PCDH11X: variants seen among roughly 807,000 people sequenced by gnomAD.
PCDH11X encodes protocadherin-11 X-linked.
In PCDH11X, 18 loss-of-function variants were observed where a neutral mutation model predicts 53.3. That is an observed-to-expected ratio of 0.34 (90% CI 0.23 to 0.50). PCDH11X has a LOEUF of 0.50. PCDH11X is among the 20% of genes least tolerant of loss of function. PCDH11X has a pLI of 0.98. For missense variants in PCDH11X, 570 were observed against 1,032.4 expected, an observed-to-expected ratio of 0.55 and a Z score of 6.14; for synonymous variants, 279 against 393.3, an observed-to-expected ratio of 0.71 and a Z score of 3.44.
At chrX:92,520,328 C>T (rs1420645356) in intron 10 of PCDH11X, among the ~76,000 whole-genome samples, 4 of 105,073 alleles carry the variant, frequency 3.8e-5, no homozygotes, top group African/African-American at 1.4e-4. Context: ...AATGTATATA[C>T]CTTAGTTTAA....
intron 8 of PCDH11X, among the ~76,000 whole-genome samples, chrX:92,286,988 A>G (rs1455487096): frequency 9.4e-6 from 1 of 106,199 alleles, no homozygotes; most frequent in African/African-American, 3.4e-5. Flanking sequence ...AGTGCCTGGA[A>G]CATATTGGTG....
intron 6 of PCDH11X, among the ~76,000 whole-genome samples, chrX:92,124,263 C>T (rs1298056940): frequency 9.0e-6 from 1 of 110,602 alleles, no homozygotes; most frequent in Non-Finnish European, 1.9e-5. Context: ...AGGCCTAGTA[C>T]AAGCCAGGTG....
At chrX:92,318,898 G>T (rs80248012) in intron 8 of PCDH11X, among the ~76,000 whole-genome samples, 6 of 110,936 alleles carry the variant, frequency 5.4e-5, no homozygotes, top group Non-Finnish European at 9.4e-5. Flanking sequence ...GTCATTTAGC[G>T]ATTTCACCAG....
chrX:92,213,023 C>T (rs933877854), intron 7 of PCDH11X, among the ~76,000 whole-genome samples: 8 of 111,969 alleles, frequency 7.1e-5, no homozygotes, highest in African/African-American at 2.6e-4. Context: ...AATCTGGGAA[C>T]TTTTGAGAGA....
Position 91,974,661 on chromosome X carries a change from A to G in PCDH11X, c.3033+95388A>G, listed in dbSNP as rs765159433. On this transcript the variant is annotated intron_variant, in intron 6 of 10. Coordinates refer to ENST00000682573, the MANE Select transcript of PCDH11X (RefSeq NM_032968.5). Reference sequence around the variant, plus strand: ...AGGGAGATATTTGGAAAGGCCTTATAAGAAGCTACAATGGCCTGATTCCAA... The same window carrying G: ...AGGGAGATATTTGGAAAGGCCTTATGAGAAGCTACAATGGCCTGATTCCAA... Among the ~76,000 whole-genome samples, 699 of 109,886 alleles carry G rather than the reference A, an allele frequency of 6.4e-3. 6 individuals are homozygous for G. Among genetic ancestry groups the G allele is most frequent in the African/African-American group, 0.022 (670 of 30,271 alleles).
intron 10 of PCDH11X, among the ~76,000 whole-genome samples, chrX:92,599,972 G>A (rs1926052901): frequency 9.1e-6 from 1 of 110,296 alleles, no homozygotes; most frequent in Non-Finnish European, 1.9e-5. Context: ...TTGAACATGA[G>A]AGAGATGATT....
chrX:91,933,702 A>G (rs968176643), intron 6 of PCDH11X, among the ~76,000 whole-genome samples: 2 of 111,388 alleles, frequency 1.8e-5, no homozygotes, highest in African/African-American at 6.5e-5. Flanking sequence ...ATATTTATGA[A>G]CTGCTTAGGT....
At chrX:91,814,326 C>A (rs1936387151) in intron 4 of PCDH11X, among the ~76,000 whole-genome samples, 1 of 110,671 alleles carries the variant, frequency 9.0e-6, no homozygotes, top group South Asian at 3.8e-4. Flanking sequence ...TGGGATGTGT[C>A]TTTCTCAAAA....
intron 8 of PCDH11X, among the ~76,000 whole-genome samples, chrX:92,289,328 T>C (rs2068446192): frequency 9.1e-6 from 1 of 110,349 alleles, no homozygotes; most frequent in African/African-American, 3.3e-5. Flanking sequence ...CACACCGAGG[T>C]TGAATATTTA....
chrX:92,340,288 G>C (rs2069722768), intron 8 of PCDH11X, among the ~76,000 whole-genome samples: 1 of 110,963 alleles, frequency 9.0e-6, no homozygotes, highest in African/African-American at 3.3e-5. Flanking sequence ...CAGGTGCACA[G>C]TATGAGCTCT....
At chrX:92,163,768 T>C (rs2065683768) in intron 6 of PCDH11X, among the ~76,000 whole-genome samples, 1 of 111,053 alleles carries the variant, frequency 9.0e-6, no homozygotes, top group Non-Finnish European at 1.9e-5. Context: ...TATATTTCTG[T>C]AGGAGTTCCG....
At chrX:91,794,296 A>G (rs149455638) in intron 1 of PCDH11X, among the ~76,000 whole-genome samples, 242 of 111,937 alleles carry the variant, frequency 2.2e-3, no homozygotes, top group Middle Eastern at 0.019. Flanking sequence ...GAATTGAGCT[A>G]GTCCAGATTA....
intron 6 of PCDH11X, among the ~76,000 whole-genome samples, chrX:92,138,624 C>T (rs1267269382): frequency 2.7e-5 from 3 of 110,465 alleles, no homozygotes; most frequent in Non-Finnish European, 5.7e-5. Context: ...TATCAAAGCA[C>T]ATTGTAATTA....
chrX:92,503,048 TA>T (rs764378836), intron 10 of PCDH11X, among the ~76,000 whole-genome samples: 1 of 107,113 alleles, frequency 9.3e-6, no homozygotes, highest in Non-Finnish European at 1.9e-5. Flanking sequence ...AACACCTTCA[TA>T]AAAAAATTGG....
At chrX:92,205,725 C>G (rs1465199540) in intron 7 of PCDH11X, among the ~76,000 whole-genome samples, 2 of 108,450 alleles carry the variant, frequency 1.8e-5, no homozygotes, top group Non-Finnish European at 3.8e-5. Flanking sequence ...CTCAGCCTCC[C>G]AAGTAGCTGG....
chrX:92,446,776 G>T (rs2072659497), intron 9 of PCDH11X, among the ~76,000 whole-genome samples: 1 of 111,598 alleles, frequency 9.0e-6, no homozygotes, highest in Admixed American at 9.6e-5. Flanking sequence ...CTTTCGAGCT[G>T]GGTAACAAGC....
intron 8 of PCDH11X, among the ~76,000 whole-genome samples, chrX:92,379,475 C>T (rs2754861): frequency 1.7e-4 from 19 of 112,977 alleles, no homozygotes; most frequent in African/African-American, 3.8e-4. Flanking sequence ...CCTGAAGGTG[C>T]CCTTTGGCAT....
intron 10 of PCDH11X, among the ~76,000 whole-genome samples, chrX:92,486,630 A>C (rs1334176053): frequency 1.8e-5 from 2 of 111,817 alleles, no homozygotes; most frequent in Non-Finnish European, 3.8e-5. Context: ...ATTATGCTCC[A>C]ACTACAATTG....
chrX:91,844,985 GAAACAATTTAAT>G (rs946657201), intron 5 of PCDH11X, among the ~76,000 whole-genome samples: 7 of 111,225 alleles, frequency 6.3e-5, no homozygotes, highest in Non-Finnish European at 1.3e-4. Context: ...GAATTCTAGA[GAAACAATTTAAT>G]GGACTATAAA....
Sources: allele counts gnomAD v4.1 joint callset (sites outside exome capture counted in the v4.1 genomes callset), GRCh38; gene constraint gnomAD v4.1.1; transcripts MANE v1.5; gene names NCBI Gene and HGNC (gene_info 2026-07-23, HGNC 2026-07-21).